Variants in RARB observed in about 807,000 individuals in gnomAD.
The protein encoded by RARB is HBV-activated protein.
A neutral mutation model predicts 51.9 loss-of-function variants in RARB; 17 were observed. That is an observed-to-expected ratio of 0.33 (90% CI 0.22 to 0.49). The LOEUF is 0.49. RARB is among the 20% of genes least tolerant of loss of function. RARB has a pLI of 0.99. For missense variants in RARB, 369 were observed against 550.8 expected (o/e 0.67, Z 3.30); for synonymous variants, 215 against 195.4 (o/e 1.10, Z -0.84).
intron 3 of RARB, among the ~76,000 whole-genome samples, chr3:25,081,878 C>T (rs1406215729): frequency 3.3e-5 from 5 of 151,560 alleles, no homozygotes; most frequent in Non-Finnish European, 5.9e-5. Flanking sequence ...GGTGATCCGC[C>T]TGCCTTGGCC....
intron 5 of RARB, among the ~76,000 whole-genome samples, chr3:25,309,188 G>C (rs897729564): frequency 1.4e-5 from 2 of 142,782 alleles, no homozygotes; most frequent in African/African-American, 5.3e-5. Context: ...ACCCAGGCTG[G>C]AGTGCAGTGT....
intron 2 of RARB, among the ~76,000 whole-genome samples, chr3:24,898,821 C>T (rs1239921569): frequency 6.6e-6 from 1 of 152,142 alleles, no homozygotes; most frequent in African/African-American, 2.4e-5. Context: ...CGAAATATGG[C>T]TGCTTCTCCA....
chr3:25,271,750 TA>T (rs1056570337), intron 5 of RARB, among the ~76,000 whole-genome samples: 5 of 152,164 alleles, frequency 3.3e-5, no homozygotes, highest in African/African-American at 9.7e-5. Flanking sequence ...CCAAATACAC[TA>T]AAGCACTTTA....
chr3:25,283,890 T>C (rs1290004352), intron 5 of RARB, among the ~76,000 whole-genome samples: 2 of 152,214 alleles, frequency 1.3e-5, no homozygotes, highest in African/African-American at 2.4e-5. Context: ...CCCCACCTCC[T>C]GGCATTCACT....
At chr3:25,208,694 A>G (rs1032180043) in intron 5 of RARB, among the ~76,000 whole-genome samples, 1 of 151,904 alleles carries the variant, frequency 6.6e-6, no homozygotes, top group Non-Finnish European at 1.5e-5. Context: ...TCCTTTTGTT[A>G]TTTGTTTTAC....
At position 24,901,404 on chromosome 3, in the gene RARB, A is replaced by G. The variant is rs2125371768; in HGVS notation, c.-380+42652A>G. Reference sequence around the variant, plus strand: ...AAACCTATATGGATTTCATCTATATATTTATATTTTTTACTTTTTTGAGAC... The same window carrying G: ...AAACCTATATGGATTTCATCTATATGTTTATATTTTTTACTTTTTTGAGAC... On this transcript the variant is annotated intron_variant, in intron 2 of 11. Coordinates refer to the RARB transcript ENST00000383772. 1.3e-5 allele frequency among the ~76,000 whole-genome samples: 2 copies of G among 152,306 alleles called. 1 individual carries two copies. Among genetic ancestry groups the G allele is most frequent in the South Asian group, 4.1e-4 (2 of 4,832 alleles).
In RARB at chr3:25,173,827, A is replaced by G. The variant is rs527457023; in HGVS notation, c.-279-292A>G. Among the ~76,000 whole-genome samples, 7 of 152,330 alleles carry G rather than the reference A, an allele frequency of 4.6e-5. No individual in the cohort carries two copies. In the East Asian group the frequency reaches 1.4e-3, roughly 29 times the overall value. On this transcript the variant is annotated intron_variant, in intron 4 of 11. Coordinates refer to the RARB transcript ENST00000383772. Reference sequence around the variant, plus strand: ...CAAACACTCCCACATGTAATGTATCAAGTCGTTTAACTGCCATGGAGAAAA... The same window carrying G: ...CAAACACTCCCACATGTAATGTATCGAGTCGTTTAACTGCCATGGAGAAAA...
chr3:25,429,515 T>C (rs992841921), intron 1 of RARB, among the ~76,000 whole-genome samples: 14 of 152,218 alleles, frequency 9.2e-5, no homozygotes, highest in Admixed American at 7.9e-4. Context: ...CAAGTCACTT[T>C]GTTGGTCTAA....
chr3:24,975,930 C>G (rs1002427021), intron 2 of RARB, among the ~76,000 whole-genome samples: 2 of 152,192 alleles, frequency 1.3e-5, no homozygotes, highest in African/African-American at 2.4e-5. Flanking sequence ...GCCCTCCACC[C>G]AACAACAGGC....
At chr3:25,424,422 A>G (rs1237326692), upstream of RARB, among the ~76,000 whole-genome samples, 1 of 152,200 alleles carries the variant, frequency 6.6e-6, no homozygotes, top group Non-Finnish European at 1.5e-5. Context: ...AGCCCTGGGA[A>G]GAGCCTCATA....
chr3:24,912,395 A>C (rs1695008163), intron 2 of RARB, among the ~76,000 whole-genome samples: 2 of 152,164 alleles, frequency 1.3e-5, no homozygotes, highest in Admixed American at 1.3e-4. Flanking sequence ...TAATATACTT[A>C]ATACAATGTC....
chr3:25,098,220 G>T (rs565776631), intron 3 of RARB, among the ~76,000 whole-genome samples: 3 of 152,236 alleles, frequency 2.0e-5, no homozygotes, highest in Admixed American at 6.5e-5. Flanking sequence ...GCAGGCAAAG[G>T]CAGGCAGTGG....
At chr3:24,850,292 C>T (rs1702539989) in intron 1 of RARB, among the ~76,000 whole-genome samples, 1 of 152,216 alleles carries the variant, frequency 6.6e-6, no homozygotes, top group Non-Finnish European at 1.5e-5. Context: ...TCTAAGGCTG[C>T]TTTCACACTA....
chr3:25,150,381 C>G (rs1700264966), intron 4 of RARB, among the ~76,000 whole-genome samples: 1 of 152,154 alleles, frequency 6.6e-6, no homozygotes, highest in African/African-American at 2.4e-5. Context: ...AGCCCCAATC[C>G]TGGCTGGCAG....
At chr3:25,296,455 G>A (rs926221701) in intron 5 of RARB, among the ~76,000 whole-genome samples, 9 of 152,298 alleles carry the variant, frequency 5.9e-5, no homozygotes, top group African/African-American at 1.9e-4. Flanking sequence ...TTCATCATCT[G>A]TAACATGTTG....
At chr3:24,928,347 T>G (rs575276140) in intron 2 of RARB, among the ~76,000 whole-genome samples, 2 of 152,142 alleles carry the variant, frequency 1.3e-5, no homozygotes, top group East Asian at 3.9e-4. Context: ...AATTCATACT[T>G]ACATTAAAAT....
intron 3 of RARB, among the ~76,000 whole-genome samples, chr3:25,120,527 A>ATCTATCTC (rs1553634814): frequency 7.3e-6 from 1 of 136,064 alleles, no homozygotes; most frequent in African/African-American, 2.8e-5. Flanking sequence ...ATATATAAAA[A>ATCTATCTC]TCTCTCTCTC....
intron 3 of RARB, among the ~76,000 whole-genome samples, chr3:25,552,144 A>G (rs1007621947): frequency 3.9e-5 from 6 of 152,118 alleles, no homozygotes; most frequent in Non-Finnish European, 7.4e-5. Context: ...GTCAAGGTAC[A>G]TGGTAGCAAA....
At chr3:25,372,292 C>A (rs1233152243) in intron 5 of RARB, among the ~76,000 whole-genome samples, 2 of 152,118 alleles carry the variant, frequency 1.3e-5, no homozygotes, top group South Asian at 4.1e-4. Context: ...TAGCAACATC[C>A]CCGGATTCTA....
Sources: allele counts gnomAD v4.1 joint callset (sites outside exome capture counted in the v4.1 genomes callset), GRCh38; gene constraint gnomAD v4.1.1; transcripts MANE v1.5; gene names NCBI Gene and HGNC (gene_info 2026-07-23, HGNC 2026-07-21).